Variants in IL1RAPL2 observed in about 807,000 individuals in gnomAD.
IL1RAPL2 encodes X-linked interleukin-1 receptor accessory protein-like 2.
A neutral mutation model predicts 44.1 loss-of-function variants in IL1RAPL2; 3 were observed. That is an observed-to-expected ratio of 0.07 (90% CI 0.03 to 0.18). The LOEUF is 0.18. IL1RAPL2 is among the 10% of genes least tolerant of loss of function. The pLI is 1.00. For synonymous variants in IL1RAPL2, 181 were observed against 178.8 expected, an observed-to-expected ratio of 1.01 and a Z score of -0.10; for missense variants, 391 against 496.4, an observed-to-expected ratio of 0.79 and a Z score of 2.02.
chrX:105,321,585 C>T (rs1444461335), intron 5 of IL1RAPL2, among the ~76,000 whole-genome samples: 1 of 112,057 alleles, frequency 8.9e-6, no homozygotes, highest in Admixed American at 9.5e-5. Flanking sequence ...GTGAAGCTGA[C>T]GCTGTCCCAC....
chrX:104,983,637 T>C (rs1364166455), intron 2 of IL1RAPL2, among the ~76,000 whole-genome samples: 1 of 98,496 alleles, frequency 1.0e-5, no homozygotes, highest in Non-Finnish European at 2.0e-5. Context: ...CATAATATAT[T>C]ATACATATAA....
chrX:104,955,215 T>G (rs773611049), intron 2 of IL1RAPL2, among the ~76,000 whole-genome samples: 1 of 111,337 alleles, frequency 9.0e-6, no homozygotes, highest in East Asian at 2.8e-4. Flanking sequence ...AGAGATTCAC[T>G]TAAGTTGTGG....
chrX:104,599,367 C>T (rs1429240167), intron 1 of IL1RAPL2, among the ~76,000 whole-genome samples: 1 of 110,755 alleles, frequency 9.0e-6, no homozygotes, highest in Non-Finnish European at 1.9e-5. Context: ...CCCATCTCAG[C>T]CTCCTGAGTA....
At chrX:105,226,850 C>G (rs1161652911) in intron 3 of IL1RAPL2, among the ~76,000 whole-genome samples, 1 of 110,147 alleles carries the variant, frequency 9.1e-6, no homozygotes, top group Non-Finnish European at 1.9e-5. Context: ...GGATTTGAAC[C>G]CAAGTCTAAC....
intron 6 of IL1RAPL2, among the ~76,000 whole-genome samples, chrX:105,577,885 C>A (rs1215695287): frequency 1.8e-5 from 2 of 110,864 alleles, no homozygotes; most frequent in African/African-American, 3.3e-5. Flanking sequence ...TTTTCACTTT[C>A]TTTTTATTAT....
intron 2 of IL1RAPL2, among the ~76,000 whole-genome samples, chrX:104,892,375 A>G (rs957470887): frequency 1.8e-5 from 2 of 111,921 alleles, no homozygotes; most frequent in Non-Finnish European, 3.8e-5. Context: ...GAATGGTACC[A>G]GCTCCTCCTT....
intron 5 of IL1RAPL2, among the ~76,000 whole-genome samples, chrX:105,371,466 C>A (rs754282430): frequency 9.0e-6 from 1 of 110,939 alleles, no homozygotes; most frequent in African/African-American, 3.3e-5. Context: ...GCCAGTTATC[C>A]CTATTTTGAA....
chrX:105,006,333 T>C (rs1282871612), intron 2 of IL1RAPL2, among the ~76,000 whole-genome samples: 2 of 110,212 alleles, frequency 1.8e-5, no homozygotes, highest in Admixed American at 9.8e-5. Context: ...TAGACATTTA[T>C]GAGTGCCTAG....
intron 6 of IL1RAPL2, among the ~76,000 whole-genome samples, chrX:105,604,639 C>T (rs989156381): frequency 2.7e-5 from 3 of 111,167 alleles, no homozygotes; most frequent in Non-Finnish European, 5.7e-5. Context: ...TTATTCCAAA[C>T]TCATTTTATG....
intron 5 of IL1RAPL2, among the ~76,000 whole-genome samples, chrX:105,436,704 G>A (rs975372011): frequency 5.4e-5 from 6 of 110,863 alleles, no homozygotes; most frequent in Non-Finnish European, 1.1e-4. Flanking sequence ...CCAAGCAACA[G>A]CCAAAGGATA....
At chrX:104,582,634 T>TTCTC (rs1928394065) in intron 1 of IL1RAPL2, among the ~76,000 whole-genome samples, 2 of 87,622 alleles carry the variant, frequency 2.3e-5, no homozygotes, top group African/African-American at 5.6e-5. Context: ...CTTTCTTTCT[T>TTCTC]TCTTTCTCTC....
At chrX:105,169,204 T>G (rs1315963923) in intron 2 of IL1RAPL2, among the ~76,000 whole-genome samples, 1 of 112,039 alleles carries the variant, frequency 8.9e-6, no homozygotes, top group Non-Finnish European at 1.9e-5. Context: ...CAAATACTCC[T>G]TTCCTTTTTC....
At chrX:105,726,446 T>A in intron 7 of IL1RAPL2, among the ~76,000 whole-genome samples, 1 of 111,553 alleles carries the variant, frequency 9.0e-6, no homozygotes, top group Middle Eastern at 4.6e-3. Flanking sequence ...AAAGTCAAAA[T>A]CTGTCGGGGA....
At chrX:105,087,322 A>G (rs1006516832) in intron 2 of IL1RAPL2, among the ~76,000 whole-genome samples, 1 of 111,793 alleles carries the variant, frequency 8.9e-6, no homozygotes, top group African/African-American at 3.2e-5. Flanking sequence ...AATATATCAT[A>G]TGTTATTTCC....
At chrX:105,566,965 A>G (rs1057159976) in intron 6 of IL1RAPL2, among the ~76,000 whole-genome samples, 1 of 111,396 alleles carries the variant, frequency 9.0e-6, no homozygotes, top group African/African-American at 3.3e-5. Context: ...CAGAGGAACT[A>G]TGGTCTCATT....
At chrX:105,506,300 T>C (rs1298119842) in intron 6 of IL1RAPL2, among the ~76,000 whole-genome samples, 1 of 111,688 alleles carries the variant, frequency 9.0e-6, no homozygotes, top group Non-Finnish European at 1.9e-5. Flanking sequence ...GTTCTCTTGC[T>C]GCACATGATT....
At chrX:105,621,082 T>A (rs1308073713) in intron 6 of IL1RAPL2, among the ~76,000 whole-genome samples, 5 of 111,470 alleles carry the variant, frequency 4.5e-5, no homozygotes, top group Admixed American at 9.6e-5. Context: ...CCTATATCCC[T>A]CAACATAACA....
chrX:105,079,498 G>T (rs1333816026), intron 2 of IL1RAPL2, among the ~76,000 whole-genome samples: 1 of 109,619 alleles, frequency 9.1e-6, no homozygotes, highest in African/African-American at 3.3e-5. Flanking sequence ...ATGGTTTCCA[G>T]CTTCATCCAT....
intron 6 of IL1RAPL2, among the ~76,000 whole-genome samples, chrX:105,616,819 AT>A (rs745486413): frequency 3.6e-5 from 4 of 110,425 alleles, no homozygotes; most frequent in Admixed American, 2.0e-4. Flanking sequence ...TATGATCCAA[AT>A]TTTTTGGCTC....
Sources: gnomAD v4.1 joint callset for allele counts (sites outside exome capture counted in the v4.1 genomes callset) on GRCh38, gnomAD v4.1.1 for gene constraint, MANE v1.5 for transcripts, NCBI Gene and HGNC (gene_info 2026-07-23, HGNC 2026-07-21) for gene names.